Variants in VPS13B observed in about 807,000 individuals in gnomAD.
VPS13B encodes vacuolar protein sorting 13 homolog B.
A neutral mutation model predicts 426.4 loss-of-function variants in VPS13B; 285 were observed. The ratio of observed to expected loss-of-function variants is 0.67; its 90% confidence interval spans 0.61 to 0.74. The LOEUF is 0.74. VPS13B is among the 30% of genes least tolerant of loss of function. VPS13B has a pLI of 0.00. For missense variants in VPS13B, 4,537 were observed against 4,782.6 expected (o/e 0.95, Z 1.51); for synonymous variants, 1,676 against 1,676.4 (o/e 1.00, Z 0.01).
At chr8:99,806,331 T>G (rs763561579) in intron 43 of VPS13B, among the ~76,000 whole-genome samples, 4 of 152,158 alleles carry the variant, frequency 2.6e-5, no homozygotes, top group Admixed American at 6.5e-5. Flanking sequence ...CACATTGTCT[T>G]TTTGGCATGG....
chr8:99,443,040 A>G (rs1004486669), intron 23 of VPS13B, among the ~76,000 whole-genome samples: 9 of 152,270 alleles, frequency 5.9e-5, no homozygotes, highest in African/African-American at 1.9e-4. Context: ...TTTAGCAAGC[A>G]TAATGTATTT....
In VPS13B at chr8:99,013,838, A is replaced by G; in HGVS notation, c.50A>G (p.Tyr17Cys). 1 of 1,614,188 alleles carries G rather than the reference A, an allele frequency of 6.2e-7. No homozygotes were observed. The highest frequency in any genetic ancestry group is 1.6e-4 in the Middle Eastern group (1 of 6,062). ...TPILMSYVNR[Y>C]IKNLKPSDLQ... ...ATTTTAATGAGCTATGTGAATCGCTACATCAAGAACTTAAAGCCGTCGGAT... is the reference window on the plus strand; with the variant it reads ...ATTTTAATGAGCTATGTGAATCGCTGCATCAAGAACTTAAAGCCGTCGGAT... The change falls in exon 2 of 62, where the codon TAC becomes TGC. Residue 17 changes from tyrosine to cysteine, a missense_variant. Coordinates refer to ENST00000357162, the MANE Select transcript of VPS13B (RefSeq NM_152564.5).
At chr8:99,077,649 A>G (rs1340137105) in intron 3 of VPS13B, among the ~76,000 whole-genome samples, 1 of 151,880 alleles carries the variant, frequency 6.6e-6, no homozygotes, top group African/African-American at 2.4e-5. Context: ...TTCTCTCGCT[A>G]TTTTTAGAAT....
intron 3 of VPS13B, among the ~76,000 whole-genome samples, chr8:99,050,109 G>A (rs1843449141): frequency 6.6e-6 from 1 of 151,434 alleles, no homozygotes; most frequent in South Asian, 2.1e-4. Context: ...ATGTATACAC[G>A]GGCCATGTTG....
chr8:99,337,858 A>G (rs1811009739), intron 19 of VPS13B, among the ~76,000 whole-genome samples: 1 of 152,080 alleles, frequency 6.6e-6, no homozygotes, highest in Non-Finnish European at 1.5e-5. Flanking sequence ...TAATTCTATG[A>G]TTCAAAAAAT....
chr8:99,137,250 CT>C (rs79136090), intron 12 of VPS13B, among the ~76,000 whole-genome samples: 23,423 of 148,460 alleles, frequency 0.16, 2,521 homozygotes, highest in East Asian at 0.38. Context: ...CATTTCAACA[CT>C]TTTTTTTTTA....
chr8:99,730,222 C>G (rs1563886052), intron 39 of VPS13B, among the ~76,000 whole-genome samples: 2 of 152,022 alleles, frequency 1.3e-5, no homozygotes, highest in Non-Finnish European at 2.9e-5. Flanking sequence ...GAGGGATGCT[C>G]AAAGCCAGAT....
At chr8:99,340,763 G>A (rs942864189) in intron 19 of VPS13B, 4 of 346,078 alleles carry the variant, frequency 1.2e-5, no homozygotes, top group Non-Finnish European at 2.3e-5. Flanking sequence ...GCACTTGGGC[G>A]AGGTGACGCC....
chr8:99,284,794 C>G (rs1381713327), intron 19 of VPS13B, among the ~76,000 whole-genome samples: 1 of 152,150 alleles, frequency 6.6e-6, no homozygotes, highest in Non-Finnish European at 1.5e-5. Flanking sequence ...CTCCTACGTT[C>G]AAGCGATCTT....
At chr8:99,201,295 C>G (rs1814306832) in intron 17 of VPS13B, among the ~76,000 whole-genome samples, 1 of 152,058 alleles carries the variant, frequency 6.6e-6, no homozygotes, top group Non-Finnish European at 1.5e-5. Flanking sequence ...CCATTTCTTT[C>G]ATTATAAATT....
chr8:99,070,119 C>T (rs928382701), intron 3 of VPS13B, among the ~76,000 whole-genome samples: 2 of 152,052 alleles, frequency 1.3e-5, no homozygotes, highest in African/African-American at 4.8e-5. Context: ...TCATTGGGTT[C>T]CCTAGGCTTG....
chr8:99,663,520 T>A (rs1830324810), intron 35 of VPS13B, among the ~76,000 whole-genome samples: 1 of 152,184 alleles, frequency 6.6e-6, no homozygotes, highest in Non-Finnish European at 1.5e-5. Context: ...CCATATTTCA[T>A]TCCATCTAAG....
At chr8:99,857,355 T>TGGAC (rs1336632928) in intron 56 of VPS13B, among the ~76,000 whole-genome samples, 2 of 152,182 alleles carry the variant, frequency 1.3e-5, no homozygotes, top group Non-Finnish European at 2.9e-5. Context: ...CTTTTATACA[T>TGGAC]GGACTCCGTG....
chr8:99,299,303 T>G (rs1820227186), intron 19 of VPS13B, among the ~76,000 whole-genome samples: 1 of 151,878 alleles, frequency 6.6e-6, no homozygotes, highest in East Asian at 1.9e-4. Flanking sequence ...CCTCAGGTAA[T>G]CCACTGCCTC....
At chr8:99,375,315 T>G (rs1204709080) in intron 19 of VPS13B, among the ~76,000 whole-genome samples, 1 of 152,204 alleles carries the variant, frequency 6.6e-6, no homozygotes, top group East Asian at 1.9e-4. Flanking sequence ...GACCTTTGAC[T>G]TTTATAGTTT....
intron 19 of VPS13B, among the ~76,000 whole-genome samples, chr8:99,325,128 GA>G (rs977540434): frequency 1.3e-5 from 2 of 151,646 alleles, no homozygotes; most frequent in South Asian, 4.2e-4. Context: ...TCTTCTTTAA[GA>G]AAAAAAATAC....
In VPS13B at chr8:99,818,738, TGAG is replaced by T; in HGVS notation, c.8475_8477del (p.Arg2825del). ...ATTGTGTTCAGCCCTCTTTTTATCA[TGAG>T]GAGTCATCTTCCAGACCCCATTATC... On this transcript the variant is annotated inframe_deletion, in exon 47 of 62. Coordinates refer to ENST00000357162, the MANE Select transcript of VPS13B (RefSeq NM_152564.5). 6.2e-7 allele frequency: 1 copy of T among 1,613,956 alleles called. No individual in the cohort carries two copies. The highest frequency in any genetic ancestry group is 8.5e-7 in the Non-Finnish European group (1 of 1,179,946).
intron 31 of VPS13B, among the ~76,000 whole-genome samples, chr8:99,567,435 C>A (rs956806557): frequency 1.3e-5 from 2 of 148,462 alleles, no homozygotes; most frequent in Non-Finnish European, 3.0e-5. Context: ...AATATATTAA[C>A]CTTTGTTTTG....
chr8:99,688,788 A>C (rs1455838296), intron 35 of VPS13B, among the ~76,000 whole-genome samples: 1 of 152,054 alleles, frequency 6.6e-6, no homozygotes, highest in Non-Finnish European at 1.5e-5. Context: ...ATGTATATAC[A>C]TGGGAGCCTT....
Sources: gnomAD v4.1 joint callset for allele counts (sites outside exome capture counted in the v4.1 genomes callset) on GRCh38, gnomAD v4.1.1 for gene constraint, MANE v1.5 for transcripts, NCBI Gene and HGNC (gene_info 2026-07-23, HGNC 2026-07-21) for gene names.